The following LAMA3 variants were observed in gnomAD, a reference collection of about 807,000 sequenced individuals.
LAMA3 encodes the protein laminin subunit alpha-3.
In LAMA3, 281 loss-of-function variants were observed where a neutral mutation model predicts 402.0. That is an observed-to-expected ratio of 0.70 (90% CI 0.63 to 0.77). The LOEUF is 0.77. LAMA3 is among the 30% of genes least tolerant of loss of function. The probability of loss-of-function intolerance (pLI) is 0.00; values close to 1 mark genes in which losing one functional copy is unlikely to be tolerated. For synonymous variants in LAMA3, 1,431 were observed against 1,558.4 expected (o/e 0.92, Z 1.93); for missense variants, 3,840 against 4,215.5 (o/e 0.91, Z 2.47).
In LAMA3 at chr18:23,758,382, G is replaced by A. The variant is rs766142377; in HGVS notation, c.948-14G>A. On this transcript the variant is annotated splice_polypyrimidine_tract_variant and intron_variant, in intron 6 of 74. Transcript: ENST00000313654. The stretch of plus-strand genomic sequence containing the variant: ...CTTTTCAATAACTGAGATGCACTTC[G>A]CCCACATGCCCAGGTTTCGGTGTGA... 37 of 1,604,122 alleles carry A rather than the reference G, an allele frequency of 2.3e-5. No individual in the cohort carries two copies. The East Asian group carries it at 5.8e-4, about 25-fold the overall frequency.
chr18:23,705,814 G>A (rs2060879305), intron 1 of LAMA3, among the ~76,000 whole-genome samples: 1 of 152,070 alleles, frequency 6.6e-6, no homozygotes, highest in African/African-American at 2.4e-5. Flanking sequence ...TACTGTGCCT[G>A]GCCTATATAT....
intron 40 of LAMA3, 69 bp downstream of exon 40, chr18:23,882,114 G>T (rs1292711402): frequency 2.1e-6 from 2 of 957,850 alleles, no homozygotes; most frequent in South Asian, 1.3e-5. Flanking sequence ...GACTAGGGGT[G>T]GGAGAGCAGG....
chr18:23,842,133 T>TG, intron 27 of LAMA3, among the ~76,000 whole-genome samples: 1 of 152,304 alleles, frequency 6.6e-6, no homozygotes, highest in South Asian at 2.1e-4. Flanking sequence ...CCAACATGTA[T>TG]GATTGTACCA....
intron 67 of LAMA3, among the ~76,000 whole-genome samples, chr18:23,938,046 T>G (rs1188841833): frequency 6.6e-6 from 1 of 151,750 alleles, no homozygotes; most frequent in Non-Finnish European, 1.5e-5. Flanking sequence ...CCATCAGGAG[T>G]TGGCTCTGCT....
At chr18:23,815,980 G>A (rs945698878) in intron 17 of LAMA3, among the ~76,000 whole-genome samples, 2 of 152,046 alleles carry the variant, frequency 1.3e-5, no homozygotes, top group Non-Finnish European at 2.9e-5. Flanking sequence ...TGAATCTCTC[G>A]CTCGGCCCCT....
chr18:23,939,317 C>G lies in LAMA3; in HGVS notation c.8957C>G (p.Ala2986Gly), dbSNP rs777637175. ...CCCAAGACCCAGGCCAATCATGGAG[C>G]CCTCCAGTTTGGGGACATTCCCACC... ...PLPKTQANHG[A>G]LQFGDIPTSH... The change falls in exon 68 of 75, where the codon GCC becomes GGC. Residue 2986 changes from alanine (A) to glycine (G), a missense_variant. By Grantham distance (60) the Ala-to-Gly change is moderately conservative. Transcript: ENST00000313654. 3 of 1,614,194 alleles carry G rather than the reference C, an allele frequency of 1.9e-6. No homozygotes were observed. Among genetic ancestry groups the G allele is most frequent in the South Asian group, 1.1e-5 (1 of 91,090 alleles).
chr18:23,757,866 A>G (rs548215105), intron 6 of LAMA3, among the ~76,000 whole-genome samples: 1 of 152,354 alleles, frequency 6.6e-6, no homozygotes, highest in East Asian at 1.9e-4. Flanking sequence ...TTTTGGCCCC[A>G]TGATGGAGCT....
At chr18:23,874,525 G>T (rs544721451) in intron 38 of LAMA3, among the ~76,000 whole-genome samples, 2 of 152,316 alleles carry the variant, frequency 1.3e-5, no homozygotes, top group African/African-American at 4.8e-5. Context: ...TGGTCTTATT[G>T]TGCATGATCT....
At chr18:23,914,272 T>C (rs935921915) in intron 56 of LAMA3, 138 bp from the exon 57 acceptor site, 5 of 816,142 alleles carry the variant, frequency 6.1e-6, no homozygotes, top group African/African-American at 1.7e-5. Context: ...CTATAAAATA[T>C]TGCACCTTGT....
chr18:23,858,858 C>T (rs1468552905), intron 34 of LAMA3, 29 bp downstream of exon 34: 2 of 1,608,320 alleles, frequency 1.2e-6, no homozygotes, highest in African/African-American at 1.3e-5. Flanking sequence ...TGCTGGGGAA[C>T]ATTTTGTACA....
At chr18:23,869,978 T>C (rs757856389) in intron 37 of LAMA3, among the ~76,000 whole-genome samples, 10 of 150,126 alleles carry the variant, frequency 6.7e-5, no homozygotes, top group Non-Finnish European at 1.3e-4. Flanking sequence ...CTGGCTAACA[T>C]GGCAAAACCT....
At position 23,762,866 on chromosome 18, in the gene LAMA3, T is replaced by A. The variant is rs532098988; in HGVS notation, c.1064-539T>A. Among the ~76,000 whole-genome samples the A allele has an allele frequency of 1.8e-3, 259 of 143,176 alleles. 3 individuals are homozygous for A. In the South Asian group the frequency reaches 0.026, roughly 15 times the overall value. 93.9% of individuals were successfully genotyped at this position (143,176 alleles called of 152,430 possible). A position where few individuals can be genotyped will look rare whatever the true frequency, so the allele number is the denominator to read the frequency against. On this transcript the variant is annotated intron_variant, in intron 7 of 74. Transcript: ENST00000313654. ...CCAAGTAGTATATATATATATTTTT[T>A]TTTTTTTTGAGATGGAGTCTCGCTC...
In LAMA3 at chr18:23,909,139, T is replaced by C. The variant is rs780199246; in HGVS notation, c.7016-14T>C. 9.3e-6 allele frequency: 15 copies of C among 1,612,638 alleles called. No homozygotes were observed. In the South Asian group the frequency reaches 1.2e-4, roughly 13 times the overall value. On this transcript the variant is annotated splice_polypyrimidine_tract_variant and intron_variant, in intron 54 of 74. Coordinates refer to ENST00000313654, the MANE Select transcript of LAMA3 (RefSeq NM_198129.4). ...TGCACAATCTTACATTTCTATTTTT[T>C]TTCTCACCAACAGTGAATAAGTTAA...
chr18:23,950,640 C>A (rs1323203188), intron 72 of LAMA3, among the ~76,000 whole-genome samples: 2 of 152,144 alleles, frequency 1.3e-5, no homozygotes, highest in Non-Finnish European at 2.9e-5. Flanking sequence ...TCTTTAAAAC[C>A]AGATTCTTCT....
chr18:23,934,021 G>T (rs1467521731), intron 67 of LAMA3, 86 bp downstream of exon 67: 1 of 1,316,572 alleles, frequency 7.6e-7, no homozygotes, highest in East Asian at 2.3e-5. Context: ...GGGGAAGGGG[G>T]TGAGAGCTCA....
chr18:23,822,011 G>C (rs2063294348), intron 19 of LAMA3, among the ~76,000 whole-genome samples: 1 of 152,210 alleles, frequency 6.6e-6, no homozygotes, highest in Non-Finnish European at 1.5e-5. Flanking sequence ...CTCAGTTGCT[G>C]AGGGAGTGCG....
chr18:23,928,793 A>C, intron 64 of LAMA3, 28 bp downstream of exon 64: 1 of 1,599,496 alleles, frequency 6.3e-7, no homozygotes, highest in Non-Finnish European at 8.6e-7. Context: ...AATATCAAAC[A>C]AGATTTAAAC....
At position 23,884,798 on chromosome 18, in the gene LAMA3, G is replaced by T. The variant is rs780945706; in HGVS notation, c.5248G>T (p.Gly1750Trp). 1 of 1,613,806 alleles carries T rather than the reference G, an allele frequency of 6.2e-7. No homozygotes were observed. The highest frequency in any genetic ancestry group is 1.1e-5 in the South Asian group (1 of 91,012). ...NSFATGCVVN[G>W]GDVRCSCKAG... Reference sequence around the variant, plus strand: ...CTTTGCCACTGGCTGTGTGGTGAATGGGGGAGACGTGCGGTGCTCCTGCAA... The same window carrying T: ...CTTTGCCACTGGCTGTGTGGTGAATTGGGGAGACGTGCGGTGCTCCTGCAA... Residue 1750 changes from glycine (G) to tryptophan (W), a missense_variant, in exon 41 of 75, where the codon GGG becomes TGG. Physicochemically the swap from Gly to Trp is radical, Grantham distance 184. Around this residue, in one of 3 missense-constraint regions of LAMA3, gnomAD observed 2,109 missense variants for 2,376.0 expected, o/e 0.89. Transcript: ENST00000313654.
At chr18:23,799,101 C>T (rs1205518227) in intron 12 of LAMA3, among the ~76,000 whole-genome samples, 1 of 152,220 alleles carries the variant, frequency 6.6e-6, no homozygotes, top group Non-Finnish European at 1.5e-5. Flanking sequence ...AACAGGACTA[C>T]ATTTAATCCT....
Sources: allele counts gnomAD v4.1 joint callset (sites outside exome capture counted in the v4.1 genomes callset), GRCh38; gene constraint gnomAD v4.1.1; regional missense constraint gnomAD v4.1.1; transcripts MANE v1.5; gene names NCBI Gene and HGNC (gene_info 2026-07-23, HGNC 2026-07-21).